ITPR1: variants seen among roughly 807,000 people sequenced by gnomAD.
ITPR1 encodes the protein inositol 1,4,5-trisphosphate receptor type 1, also known as inositol 1,4,5-trisphosphate-gated calcium channel ITPR1.
ITPR1 carries 96 observed loss-of-function variants against 318.4 expected under a neutral mutation model. That is an observed-to-expected ratio of 0.30 (90% confidence interval 0.26 to 0.36). ITPR1 has a LOEUF of 0.36. Among genes scored for constraint, ITPR1 ranks in the 10% least tolerant of loss-of-function variants. The pLI is 1.00. For synonymous variants in ITPR1, 1,312 were observed against 1,289.9 expected (o/e 1.02, Z -0.37); for missense variants, 2,440 against 3,460.2 (o/e 0.71, Z 7.40).
At position 4,779,595 on chromosome 3, in the gene ITPR1, G is replaced by A; in HGVS notation, c.6337G>A (p.Asp2113Asn). 1 of 1,612,674 alleles carries A rather than the reference G, an allele frequency of 6.2e-7. No individual in the cohort carries two copies. The highest frequency in any genetic ancestry group is 8.5e-7 in the Non-Finnish European group (1 of 1,179,060). ...LLLAIMESRHDSENAERILYN... is the reference protein window; with the variant it reads ...LLLAIMESRHNSENAERILYN... Reference sequence around the variant, plus strand: ...CCTGGCCATCATGGAAAGCAGGCACGACAGTGAAAACGCAGAGAGGATACT... The same window carrying A: ...CCTGGCCATCATGGAAAGCAGGCACAACAGTGAAAACGCAGAGAGGATACT... The change falls in exon 49 of 62, where the codon GAC becomes AAC. Residue 2113 changes from aspartate (D) to asparagine (N), a missense_variant. This residue lies in a region of ITPR1 where 49 missense variants were observed against 47.2 expected (regional missense o/e 1.04). Transcript: ENST00000649015. This position sits in a 1 kb window ranked among gnomAD's most constrained non-coding sequence, Gnocchi z 4.0.
At chr3:4,744,157 A>G (rs1249545484) in intron 44 of ITPR1, among the ~76,000 whole-genome samples, 1 of 152,164 alleles carries the variant, frequency 6.6e-6, no homozygotes, top group African/African-American at 2.4e-5. Flanking sequence ...CTAAGAGGAG[A>G]TGTCTTCAGA....
intron 4 of ITPR1, among the ~76,000 whole-genome samples, chr3:4,521,721 T>C (rs1316821343): frequency 6.6e-6 from 1 of 151,964 alleles, no homozygotes; most frequent in African/African-American, 2.4e-5. Context: ...ATACAGAAAT[T>C]AGCTGGGTGT....
At chr3:4,745,435 C>G (rs184621585) in intron 44 of ITPR1, among the ~76,000 whole-genome samples, 68 of 152,294 alleles carry the variant, frequency 4.5e-4, no homozygotes, top group Non-Finnish European at 8.1e-4. Context: ...TGAGCCCCCT[C>G]TGACCGTCCT....
chr3:4,567,297 A>G (rs1559460876), intron 4 of ITPR1, among the ~76,000 whole-genome samples: 1 of 152,134 alleles, frequency 6.6e-6, no homozygotes, highest in Non-Finnish European at 1.5e-5. Context: ...CTGTAGCACT[A>G]GTGATCAGGA....
At chr3:4,629,505 A>C (rs1260110214) in intron 5 of ITPR1, among the ~76,000 whole-genome samples, 1 of 152,212 alleles carries the variant, frequency 6.6e-6, no homozygotes, top group Non-Finnish European at 1.5e-5. Context: ...GCTTATTAGA[A>C]TGACAGCTCT....
intron 37 of ITPR1, among the ~76,000 whole-genome samples, chr3:4,709,182 G>A (rs12330816): frequency 0.38 from 57,808 of 152,056 alleles, 13,394 homozygotes; most frequent in Non-Finnish European, 0.54. Flanking sequence ...GAATTTTGCA[G>A]AAATGACCCT....
intron 52 of ITPR1, among the ~76,000 whole-genome samples, chr3:4,793,874 G>A (rs983885164): frequency 5.9e-5 from 9 of 152,150 alleles, no homozygotes; most frequent in African/African-American, 2.2e-4. Context: ...CATGATATGG[G>A]CGATTAATAA....
intron 35 of ITPR1, among the ~76,000 whole-genome samples, chr3:4,701,466 C>T (rs1171708507): frequency 6.6e-6 from 1 of 152,178 alleles, no homozygotes; most frequent in East Asian, 1.9e-4. Context: ...TTTCCCCTGC[C>T]AGTTTCCCGG....
At chr3:4,649,154 A>G (rs1274339377) in intron 10 of ITPR1, among the ~76,000 whole-genome samples, 4 of 152,242 alleles carry the variant, frequency 2.6e-5, no homozygotes, top group African/African-American at 7.2e-5. Flanking sequence ...AACTAAGGAA[A>G]CATAGAAAAT....
intron 37 of ITPR1, among the ~76,000 whole-genome samples, chr3:4,708,847 C>G (rs1018963887): frequency 3.9e-5 from 6 of 152,210 alleles, no homozygotes; most frequent in Non-Finnish European, 5.9e-5. Flanking sequence ...CAGACCACTT[C>G]TATAATTAAT....
intron 61 of ITPR1, among the ~76,000 whole-genome samples, chr3:4,844,122 G>GTT (rs1205797133): frequency 1.4e-4 from 6 of 41,640 alleles, no homozygotes; most frequent in Admixed American, 4.7e-4. Flanking sequence ...AGCAGACCAA[G>GTT]ATTTTTTTTT....
chr3:4,642,850 G>T (rs997924052), intron 7 of ITPR1, among the ~76,000 whole-genome samples: 7 of 152,200 alleles, frequency 4.6e-5, no homozygotes, highest in African/African-American at 9.6e-5. Context: ...CAGCCATTAC[G>T]TGGGCATATA....
intron 30 of ITPR1, among the ~76,000 whole-genome samples, chr3:4,686,818 C>T (rs759175632): frequency 2.6e-5 from 4 of 152,188 alleles, no homozygotes; most frequent in South Asian, 4.1e-4. Context: ...TCCTTTTATA[C>T]GGAAGGACTG....
chr3:4,524,143 C>T (rs2082780640), intron 4 of ITPR1, among the ~76,000 whole-genome samples: 2 of 152,174 alleles, frequency 1.3e-5, no homozygotes, highest in African/African-American at 4.8e-5. Context: ...TGTGCTAAAC[C>T]AGAGGTCCCC....
At chr3:4,527,838 G>A (rs2083104122) in intron 4 of ITPR1, among the ~76,000 whole-genome samples, 1 of 152,072 alleles carries the variant, frequency 6.6e-6, no homozygotes, top group South Asian at 2.1e-4. Flanking sequence ...CAGAGTGCTG[G>A]CACCATGTTA....
Position 4,846,963 on chromosome 3 carries a change from GCT to G in ITPR1, c.*739_*740del, listed in dbSNP as rs1241109431. ...AGCCAAATTAGAGGCTCATACTTTAGCTTGTGAAGAAGATAATGAATTTTTTA... is the reference window on the plus strand; with the variant it reads ...AGCCAAATTAGAGGCTCATACTTTAGTGTGAAGAAGATAATGAATTTTTTA... On this transcript the variant is annotated 3_prime_UTR_variant, in exon 62 of 62. Transcript: ENST00000649015. The G allele has an allele frequency of 2.6e-5, 4 of 152,594 alleles. No homozygotes were observed. The highest frequency in any genetic ancestry group is 9.7e-5 in the African/African-American group (4 of 41,436). 9.5% of individuals were successfully genotyped at this position (152,594 alleles called of 1,614,324 possible).
intron 4 of ITPR1, among the ~76,000 whole-genome samples, chr3:4,523,685 G>A (rs542945583): frequency 1.3e-5 from 2 of 152,250 alleles, no homozygotes; most frequent in Non-Finnish European, 2.9e-5. Context: ...TCGTCTTTCT[G>A]TGCCTGGCTT....
intron 46 of ITPR1, among the ~76,000 whole-genome samples, chr3:4,773,259 A>G (rs2046300462): frequency 6.6e-6 from 1 of 152,212 alleles, no homozygotes; most frequent in Admixed American, 6.5e-5. Flanking sequence ...CTCGAGAGCA[A>G]CAGGCAGAGG....
At chr3:4,547,651 C>T (rs1183637923) in intron 4 of ITPR1, among the ~76,000 whole-genome samples, 2 of 152,180 alleles carry the variant, frequency 1.3e-5, no homozygotes, top group Non-Finnish European at 2.9e-5. Context: ...GCATAATATC[C>T]ACATCAAGAA....
Sources: gnomAD v4.1 joint callset for allele counts (sites outside exome capture counted in the v4.1 genomes callset) on GRCh38, gnomAD v4.1.1 for gene constraint, gnomAD v4.1.1 regional missense constraint, Gnocchi (gnomAD v3.1) non-coding constraint, MANE v1.5 for transcripts, NCBI Gene and HGNC (gene_info 2026-07-23, HGNC 2026-07-21) for gene names.